ARHGAP24: variants seen among roughly 807,000 people sequenced by gnomAD.
ARHGAP24 encodes the protein rho GTPase-activating protein 24.
In ARHGAP24, 50 loss-of-function variants were observed where a neutral mutation model predicts 76.4. The observed-to-expected ratio is 0.65, with a 90% CI of 0.52 to 0.83. The LOEUF is 0.83. ARHGAP24 is among the 40% of genes least tolerant of loss of function. ARHGAP24 has a pLI of 0.00. For missense variants in ARHGAP24, 930 were observed against 914.2 expected, an observed-to-expected ratio of 1.02 and a Z score of -0.22; for synonymous variants, 345 against 323.3, an observed-to-expected ratio of 1.07 and a Z score of -0.72.
intron 2 of ARHGAP24, among the ~76,000 whole-genome samples, chr4:85,629,719 G>C (rs1044971571): frequency 6.6e-6 from 1 of 152,054 alleles, no homozygotes; most frequent in Non-Finnish European, 1.5e-5. Context: ...CATCTGATCA[G>C]GTTTCCTTGA....
chr4:85,819,345 CT>C (rs1560650123), intron 3 of ARHGAP24, among the ~76,000 whole-genome samples: 1 of 152,154 alleles, frequency 6.6e-6, no homozygotes, highest in African/African-American at 2.4e-5. Context: ...TGATTGCAAT[CT>C]CATTTGACAG....
At chr4:85,513,742 T>C (rs1312842399) in intron 1 of ARHGAP24, among the ~76,000 whole-genome samples, 2 of 152,192 alleles carry the variant, frequency 1.3e-5, no homozygotes, top group Non-Finnish European at 2.9e-5. Context: ...TGATATTTGA[T>C]ATTGCAAAAA....
At chr4:85,898,035 A>G (rs560324895) in intron 3 of ARHGAP24, among the ~76,000 whole-genome samples, 970 of 9,650 alleles carry the variant, frequency 0.1, 5 homozygotes, top group African/African-American at 0.24. Context: ...ATATATGTGT[A>G]TATATATATA....
intron 3 of ARHGAP24, among the ~76,000 whole-genome samples, chr4:85,784,710 T>G (rs1455200099): frequency 6.6e-6 from 1 of 152,008 alleles, no homozygotes; most frequent in Non-Finnish European, 1.5e-5. Context: ...TTTCATCTCC[T>G]CCATCACTTT....
intron 3 of ARHGAP24, among the ~76,000 whole-genome samples, chr4:85,870,096 G>T (rs1035037788): frequency 6.6e-6 from 1 of 152,126 alleles, no homozygotes; most frequent in Non-Finnish European, 1.5e-5. Flanking sequence ...TTTAAAAACT[G>T]CCTGACACAT....
intron 5 of ARHGAP24, among the ~76,000 whole-genome samples, chr4:85,950,911 T>A (rs899423402): frequency 1.3e-5 from 2 of 152,132 alleles, no homozygotes; most frequent in African/African-American, 4.8e-5. Context: ...ACTCCTGACC[T>A]CAGGTGATCC....
rs73833240 is a variant in ARHGAP24, at chr4:85,758,240, T to C, written c.268+36268T>C. ...TCAATGCCAAGGAACGTATCAGTTA[T>C]CTTCCTGAAGATAGCCGTGTACCTA... On this transcript the variant is annotated intron_variant, in intron 3 of 9. Coordinates refer to ENST00000395184, the MANE Select transcript of ARHGAP24 (RefSeq NM_001025616.3). Among the ~76,000 whole-genome samples, 1,517 of 152,330 alleles carry C rather than the reference T, an allele frequency of 1.0e-2. 25 individuals are homozygous for C. The highest frequency in any genetic ancestry group is 0.034 in the African/African-American group (1,414 of 41,562).
intron 3 of ARHGAP24, among the ~76,000 whole-genome samples, chr4:85,781,213 G>T (rs185878025): frequency 1.3e-5 from 2 of 152,270 alleles, no homozygotes; most frequent in East Asian, 3.9e-4. Flanking sequence ...TAACTTACAA[G>T]TTCTTTTAAG....
At position 85,543,831 on chromosome 4, in the gene ARHGAP24, G is replaced by A. The variant is rs77172674; in HGVS notation, c.-20-26691G>A. Among the ~76,000 whole-genome samples the A allele has an allele frequency of 9.7e-3, 1,474 of 152,208 alleles. 13 individuals are homozygous for A. Among genetic ancestry groups the A allele is most frequent in the East Asian group, 0.019 (97 of 5,182 alleles). ...TTTTCACTTGAAGGTTGTAATTTGA[G>A]TTAGTAGTTAGTAGTAGTTTTAGTA... On this transcript the variant is annotated intron_variant, in intron 1 of 9. Coordinates refer to ENST00000395184, the MANE Select transcript of ARHGAP24 (RefSeq NM_001025616.3).
intron 3 of ARHGAP24, among the ~76,000 whole-genome samples, chr4:85,838,911 G>A (rs879690090): frequency 1.3e-5 from 2 of 152,050 alleles, no homozygotes; most frequent in African/African-American, 2.4e-5. Context: ...CTCCAGCTGC[G>A]CTGAGCCCCT....
In ARHGAP24 at chr4:85,593,633, G is replaced by A. The variant is rs775113445; in HGVS notation, c.180+22912G>A. ...ATCCATTTTGATTTGATTTGTATAC[G>A]GTGAGATATGGGGGTCCAGTTTCAT... On this transcript the variant is annotated intron_variant, in intron 2 of 9. Coordinates refer to ENST00000395184, the MANE Select transcript of ARHGAP24 (RefSeq NM_001025616.3). Among the ~76,000 whole-genome samples the A allele has an allele frequency of 7.2e-5, 11 of 152,110 alleles. No homozygotes were observed. In the East Asian group the frequency reaches 9.6e-4, roughly 13 times the overall value.
intron 3 of ARHGAP24, among the ~76,000 whole-genome samples, chr4:85,907,347 A>G (rs1327989339): frequency 6.6e-6 from 1 of 152,188 alleles, no homozygotes; most frequent in Non-Finnish European, 1.5e-5. Flanking sequence ...GTTCAAATAT[A>G]TTTTTCTCAT....
chr4:85,886,447 A>C (rs1406783145), intron 3 of ARHGAP24, among the ~76,000 whole-genome samples: 1 of 152,144 alleles, frequency 6.6e-6, no homozygotes. Context: ...GAATTAGTGC[A>C]CCAGAAGGTG....
chr4:85,548,820 C>T (rs542696333), intron 1 of ARHGAP24, among the ~76,000 whole-genome samples: 1 of 152,248 alleles, frequency 6.6e-6, no homozygotes, highest in African/African-American at 2.4e-5. Flanking sequence ...GCCCCTTTCC[C>T]GTCAGTATAT....
rs567953890 is a variant in ARHGAP24 at position 85,671,463 on chromosome 4, T to C, written c.181-50422T>C. Among the ~76,000 whole-genome samples the C allele has an allele frequency of 3.0e-4, 45 of 152,288 alleles. No homozygotes were observed. The South Asian group carries it at 8.5e-3, about 29-fold the overall frequency. The stretch of plus-strand genomic sequence containing the variant: ...GCTTGGCTCAAAGTAGGTAATGAAA[T>C]AAATATTTGTCAAATGAAAATGCAA... On this transcript the variant is annotated intron_variant, in intron 2 of 9. Coordinates refer to ENST00000395184, the MANE Select transcript of ARHGAP24 (RefSeq NM_001025616.3).
intron 3 of ARHGAP24, among the ~76,000 whole-genome samples, chr4:85,894,975 A>G (rs868558876): frequency 1.9e-4 from 7 of 36,706 alleles, no homozygotes; most frequent in African/African-American, 2.7e-4. Context: ...AAAAAAAAAA[A>G]AAAAAAAAAA....
In ARHGAP24 at chr4:85,994,672, C is replaced by T; in HGVS notation, c.1018C>T (p.Gln340Ter). Residue 340 changes from glutamine (Q) to a stop codon, truncating the protein, a stop_gained, in exon 9 of 10, where the codon CAA becomes TAA. Transcript: ENST00000395184. LOFTEE classifies it high-confidence loss of function. ...AGATGCAGAACTACAAAGCAAGCCC[C>T]AAGATGGAGTGAGCAACAACAATGA... ...PKDAELQSKPQDGVSNNNEIQ... is the reference protein window; with the variant it reads ...PKDAELQSKP 1 of 1,614,132 alleles carries T rather than the reference C, an allele frequency of 6.2e-7. No homozygotes were observed. The highest frequency in any genetic ancestry group is 8.5e-7 in the Non-Finnish European group (1 of 1,180,024).
At chr4:85,540,996 T>TATTAAGCTCAGGAAAGC (rs1454355569) in intron 1 of ARHGAP24, among the ~76,000 whole-genome samples, 1 of 152,054 alleles carries the variant, frequency 6.6e-6, no homozygotes, top group African/African-American at 2.4e-5. Flanking sequence ...TTATAATAGA[T>TATTAAGCTCAGGAAAGC]TTAGGTTCCC....
chr4:85,941,851 C>T (rs957134116), intron 4 of ARHGAP24, among the ~76,000 whole-genome samples: 3 of 152,124 alleles, frequency 2.0e-5, no homozygotes, highest in African/African-American at 7.2e-5. Flanking sequence ...TTGTGCTAAG[C>T]ATAGAATACA....
Sources: allele counts gnomAD v4.1 joint callset (sites outside exome capture counted in the v4.1 genomes callset), GRCh38; gene constraint gnomAD v4.1.1; transcripts MANE v1.5; gene names NCBI Gene and HGNC (gene_info 2026-07-23, HGNC 2026-07-21).